The following CERS6 variants were observed in gnomAD, a reference collection of about 807,000 sequenced individuals.
CERS6 encodes LAG1 homolog, ceramide synthase 6.
Under a neutral mutation model 56.8 loss-of-function variants are expected in CERS6, and 26 were observed. The observed-to-expected ratio is 0.46, with a 90% confidence interval of 0.34 to 0.63. The LOEUF (loss-of-function observed/expected upper bound fraction) is 0.63. CERS6 is among the 30% of genes least tolerant of loss of function. The pLI is 0.01. For missense variants in CERS6, 415 were observed against 467.5 expected (o/e 0.89, Z 1.04); for synonymous variants, 164 against 173.3 (o/e 0.95, Z 0.42).
intron 3 of CERS6, among the ~76,000 whole-genome samples, chr2:168,590,788 GGTTCT>G (rs1374025770): frequency 1.3e-5 from 2 of 152,232 alleles, no homozygotes; most frequent in Non-Finnish European, 2.9e-5. Context: ...ATCTGTGGTA[GGTTCT>G]GTTTTTGTTC....
intron 1 of CERS6, among the ~76,000 whole-genome samples, chr2:168,472,272 A>C (rs1281044980): frequency 6.6e-6 from 1 of 152,250 alleles, no homozygotes; most frequent in African/African-American, 2.4e-5. Context: ...TCATTGAATT[A>C]TCACAGCAAA....
intron 1 of CERS6, among the ~76,000 whole-genome samples, chr2:168,517,522 T>TA (rs200509052): frequency 0.012 from 1,831 of 149,800 alleles, 22 homozygotes; most frequent in African/African-American, 0.028. Flanking sequence ...AATAAATAAA[T>TA]AATAAAATAA....
chr2:168,619,150 G>A (rs796975986), intron 3 of CERS6, among the ~76,000 whole-genome samples: 25 of 152,288 alleles, frequency 1.6e-4, no homozygotes, highest in African/African-American at 5.5e-4. Flanking sequence ...TGGGATAATT[G>A]GGAAGCCACA....
chr2:168,705,843 A>T (rs996213999), intron 6 of CERS6, among the ~76,000 whole-genome samples: 1 of 152,158 alleles, frequency 6.6e-6, no homozygotes, highest in African/African-American at 2.4e-5. Flanking sequence ...GGTTATTGCA[A>T]CAACAAAAAA....
At chr2:168,655,785 G>C (rs113956894) in intron 4 of CERS6, among the ~76,000 whole-genome samples, 71 of 152,352 alleles carry the variant, frequency 4.7e-4, no homozygotes, top group African/African-American at 1.7e-3. Flanking sequence ...AACCAGTCTA[G>C]AGACCTAATG....
chr2:168,642,512 C>T (rs1164884596), intron 4 of CERS6, among the ~76,000 whole-genome samples: 2 of 152,056 alleles, frequency 1.3e-5, no homozygotes, highest in Non-Finnish European at 2.9e-5. Context: ...TATCCAGGGT[C>T]CCATCACTAA....
intron 3 of CERS6, among the ~76,000 whole-genome samples, chr2:168,610,622 A>G (rs923321371): frequency 6.6e-6 from 1 of 152,206 alleles, no homozygotes; most frequent in African/African-American, 2.4e-5. Context: ...TGAAAATTCT[A>G]TGCTTCAGGA....
At chr2:168,656,974 G>C (rs577275754) in intron 4 of CERS6, among the ~76,000 whole-genome samples, 1 of 152,134 alleles carries the variant, frequency 6.6e-6, no homozygotes, top group South Asian at 2.1e-4. Context: ...TAGATACAGA[G>C]TGTCGATTGG....
intron 6 of CERS6, among the ~76,000 whole-genome samples, chr2:168,713,530 C>T (rs534733785): frequency 4.1e-4 from 63 of 152,258 alleles, no homozygotes; most frequent in African/African-American, 1.2e-3. Flanking sequence ...CATATCACAA[C>T]AAACCATGTC....
Position 168,499,650 on chromosome 2 carries a change from T to C in CERS6, c.170+43032T>C, listed in dbSNP as rs1341307386. Among the ~76,000 whole-genome samples, 3 of 152,186 alleles carry C rather than the reference T, an allele frequency of 2.0e-5. No individual in the cohort carries two copies. In the East Asian group the frequency reaches 5.8e-4, roughly 29 times the overall value. ...GGTTTGAGTCACTGCACAGACTCCT[T>C]GTTTGGCTAGAAGAAAATCTCATGC... On this transcript the variant is annotated intron_variant, in intron 1 of 9. Coordinates refer to ENST00000305747, the MANE Select transcript of CERS6 (RefSeq NM_203463.3).
chr2:168,523,519 C>A (rs1366214734), intron 1 of CERS6, among the ~76,000 whole-genome samples: 1 of 151,914 alleles, frequency 6.6e-6, no homozygotes, highest in Non-Finnish European at 1.5e-5. Context: ...GTGGAAGAGC[C>A]ACACTGTGTA....
At chr2:168,682,291 TTAA>T (rs1438593230) in intron 4 of CERS6, among the ~76,000 whole-genome samples, 1 of 152,206 alleles carries the variant, frequency 6.6e-6, no homozygotes, top group Admixed American at 6.5e-5. Context: ...AATATGTAAT[TTAA>T]TAGTTAATAT....
intron 6 of CERS6, 139 bp downstream of exon 6, chr2:168,695,190 A>G (rs1191262548): frequency 1.6e-6 from 1 of 632,282 alleles, no homozygotes; most frequent in African/African-American, 1.9e-5. Context: ...GTTATTACAG[A>G]AAGTTCTCTA....
chr2:168,630,631 T>C (rs1270213014), intron 3 of CERS6, among the ~76,000 whole-genome samples: 2 of 152,214 alleles, frequency 1.3e-5, no homozygotes, highest in Non-Finnish European at 2.9e-5. Flanking sequence ...TAGTTTTGAA[T>C]TATTTGTCTG....
chr2:168,530,242 A>T (rs1406775729), intron 1 of CERS6, among the ~76,000 whole-genome samples: 2 of 152,212 alleles, frequency 1.3e-5, no homozygotes, highest in East Asian at 1.9e-4. Flanking sequence ...AGTGAGGTAC[A>T]GTGGCATGGC....
chr2:168,724,826 C>A (rs1267558863), intron 8 of CERS6, among the ~76,000 whole-genome samples: 1 of 152,272 alleles, frequency 6.6e-6, no homozygotes, highest in Non-Finnish European at 1.5e-5. Context: ...AGGAGCCCAG[C>A]TGGCTTCACA....
Position 168,695,067 on chromosome 2 carries a change from T to C in CERS6, c.609+16T>C. 1.3e-6 allele frequency: 2 copies of C among 1,598,018 alleles called. No homozygotes were observed. The highest frequency in any genetic ancestry group is 1.1e-5 in the South Asian group (1 of 90,656). Reference sequence around the variant, plus strand: ...CAAAAGAAAGGTAAGAGCGGTTATGTCGTAAAGTGCTTGCAAGCATGCATC... The same window carrying C: ...CAAAAGAAAGGTAAGAGCGGTTATGCCGTAAAGTGCTTGCAAGCATGCATC... On this transcript the variant is annotated intron_variant, in intron 6 of 9. Transcript: ENST00000305747.
chr2:168,705,878 C>A (rs1686927628), intron 6 of CERS6, among the ~76,000 whole-genome samples: 1 of 152,122 alleles, frequency 6.6e-6, no homozygotes, highest in African/African-American at 2.4e-5. Flanking sequence ...ATTCTGCTAA[C>A]CCTTGCATCA....
At chr2:168,764,656 G>A (rs961580487) in intron 8 of CERS6, among the ~76,000 whole-genome samples, 1 of 151,896 alleles carries the variant, frequency 6.6e-6, no homozygotes, top group Non-Finnish European at 1.5e-5. Context: ...CATATGGCTT[G>A]TACTTAAGTA....
Sources: gnomAD v4.1 joint callset for allele counts (sites outside exome capture counted in the v4.1 genomes callset) on GRCh38, gnomAD v4.1.1 for gene constraint, MANE v1.5 for transcripts, NCBI Gene and HGNC (gene_info 2026-07-23, HGNC 2026-07-21) for gene names.